MED27: variants seen among roughly 807,000 people sequenced by gnomAD.
MED27 encodes the protein mediator of RNA polymerase II transcription subunit 27.
In MED27, 30 loss-of-function variants were observed where a neutral mutation model predicts 38.2. The observed-to-expected ratio is 0.79, with a 90% CI of 0.59 to 1.07. MED27 has a LOEUF of 1.07. MED27 is among the 50% of genes least tolerant of loss of function. MED27 has a pLI of 0.00. For missense variants in MED27, 289 were observed against 397.5 expected, an observed-to-expected ratio of 0.73 and a Z score of 2.32; for synonymous variants, 122 against 153.5, an observed-to-expected ratio of 0.79 and a Z score of 1.52.
chr9:132,010,824 T>C (rs988919688), intron 3 of MED27, among the ~76,000 whole-genome samples: 17 of 152,016 alleles, frequency 1.1e-4, no homozygotes, highest in African/African-American at 2.9e-4. Context: ...TAAGTGGGAA[T>C]TGAACAATGA....
At chr9:131,877,670 A>G (rs1838960660) in intron 6 of MED27, among the ~76,000 whole-genome samples, 1 of 152,250 alleles carries the variant, frequency 6.6e-6, no homozygotes, top group African/African-American at 2.4e-5. Context: ...TAAGGTGTGC[A>G]GCACAACCTG....
chr9:132,046,253 C>T (rs1312125095), intron 2 of MED27, among the ~76,000 whole-genome samples: 1 of 152,168 alleles, frequency 6.6e-6, no homozygotes, highest in Non-Finnish European at 1.5e-5. Context: ...TGCAGTGGTT[C>T]ACCTATCAAC....
At chr9:131,936,452 G>C (rs1489087140) in intron 4 of MED27, among the ~76,000 whole-genome samples, 1 of 152,208 alleles carries the variant, frequency 6.6e-6, no homozygotes, top group Non-Finnish European at 1.5e-5. Flanking sequence ...CAGACGGCTG[G>C]TTCCTCTAGG....
At chr9:131,910,147 C>T (rs539821057) in intron 4 of MED27, among the ~76,000 whole-genome samples, 1 of 152,320 alleles carries the variant, frequency 6.6e-6, no homozygotes, top group South Asian at 2.1e-4. Flanking sequence ...AAGCATTATT[C>T]AACCAGGGCT....
At chr9:131,890,245 G>T (rs1159355350) in intron 5 of MED27, among the ~76,000 whole-genome samples, 1 of 152,176 alleles carries the variant, frequency 6.6e-6, no homozygotes, top group Non-Finnish European at 1.5e-5. Context: ...TGCCAAATGT[G>T]GTCAGTGTGT....
At position 131,893,882 on chromosome 9, in the gene MED27, T is replaced by C; in HGVS notation, c.681+3A>G. ...GGAACACACAAGACTGCACAATGCT[T>C]ACCTTGCCATCTTCTGTGTAGACAT... On this transcript the variant is annotated splice_donor_region_variant and intron_variant, in intron 5 of 7. Coordinates refer to ENST00000292035, the MANE Select transcript of MED27 (RefSeq NM_004269.4). 6.2e-7 allele frequency: 1 copy of C among 1,609,912 alleles called. No homozygotes were observed. Among genetic ancestry groups the C allele is most frequent in the Non-Finnish European group, 8.5e-7 (1 of 1,176,522 alleles).
chr9:131,977,677 G>C (rs1334214769), intron 3 of MED27, among the ~76,000 whole-genome samples: 1 of 152,052 alleles, frequency 6.6e-6, no homozygotes, highest in Non-Finnish European at 1.5e-5. Context: ...TCATGTAAAG[G>C]GCTTAGGTCA....
chr9:132,028,305 A>G (rs1232369064), intron 2 of MED27, among the ~76,000 whole-genome samples: 2 of 152,194 alleles, frequency 1.3e-5, no homozygotes, highest in East Asian at 3.9e-4. Context: ...TCTGAATCAC[A>G]GTAGTAAAGC....
chr9:131,928,241 G>C (rs1830517485), intron 4 of MED27, among the ~76,000 whole-genome samples: 2 of 152,176 alleles, frequency 1.3e-5, no homozygotes, highest in African/African-American at 4.8e-5. Flanking sequence ...TGCTCCTCCA[G>C]AGAGGAGTCT....
intron 3 of MED27, among the ~76,000 whole-genome samples, chr9:132,006,843 T>G (rs1030452941): frequency 6.6e-6 from 1 of 152,188 alleles, no homozygotes; most frequent in Non-Finnish European, 1.5e-5. Context: ...CGGATTCAAG[T>G]TGCTGCTTTG....
chr9:132,053,028 T>C (rs552432332), intron 2 of MED27, among the ~76,000 whole-genome samples: 1 of 151,184 alleles, frequency 6.6e-6, no homozygotes, highest in African/African-American at 2.4e-5. Flanking sequence ...CCGAGGTGGG[T>C]GGATCACGAG....
intron 3 of MED27, among the ~76,000 whole-genome samples, chr9:132,009,475 C>T (rs566215011): frequency 6.6e-6 from 1 of 152,272 alleles, no homozygotes; most frequent in South Asian, 2.1e-4. Context: ...TCTCATTCTC[C>T]TAGATTGCTG....
chr9:131,982,770 C>T lies in MED27; in HGVS notation c.479+31567G>A, dbSNP rs545242151. On this transcript the variant is annotated intron_variant, in intron 3 of 7. Coordinates refer to ENST00000292035, the MANE Select transcript of MED27 (RefSeq NM_004269.4). This position sits in a 1 kb window ranked among gnomAD's most constrained non-coding sequence, Gnocchi z 4.3. ...CAGCTTTTCTGGCTACAGGATCTGC[C>T]GCAATGCCTGACCTCTGTGCATCTC... 2.1e-4 allele frequency among the ~76,000 whole-genome samples: 32 copies of T among 152,256 alleles called. No individual in the cohort carries two copies. Among genetic ancestry groups the T allele is most frequent in the Non-Finnish European group, 3.7e-4 (25 of 68,020 alleles).
rs1309022183 is a variant in MED27, at chr9:131,913,359, G to C, written c.574-19367C>G. Among the ~76,000 whole-genome samples the C allele has an allele frequency of 6.6e-6, 1 of 152,172 alleles. No homozygotes were observed. The highest frequency in any genetic ancestry group is 1.9e-4 in the East Asian group (1 of 5,192). ...TTAATGTGACCTTGAACAAGTTATT[G>C]AACCTTCTGAGTCTCAGTGTTCTCA... On this transcript the variant is annotated intron_variant, in intron 4 of 7. Transcript: ENST00000292035. The surrounding 1 kb of genome is among the most constrained non-coding windows in gnomAD (Gnocchi z 4.5).
Position 131,860,485 on chromosome 9 carries a change from T to C in MED27, c.*53A>G, listed in dbSNP as rs1032573794. 3 of 1,466,206 alleles carry C rather than the reference T, an allele frequency of 2.0e-6. No individual in the cohort carries two copies. Among genetic ancestry groups the C allele is most frequent in the African/African-American group, 1.4e-5 (1 of 69,742 alleles). The allele number at this position is 1,466,206 out of a possible 1,614,324, so 90.8% of individuals were successfully genotyped here. On this transcript the variant is annotated 3_prime_UTR_variant, in exon 8 of 8. Coordinates refer to ENST00000292035, the MANE Select transcript of MED27 (RefSeq NM_004269.4). The surrounding 1 kb of genome is among the most constrained non-coding windows in gnomAD (Gnocchi z 5.8). ...CCAGCTGAGCCTTCTGTGGGCTTCCTGCGTGTCTGGGAAGGTGCTGGGTGG... is the reference window on the plus strand; with the variant it reads ...CCAGCTGAGCCTTCTGTGGGCTTCCCGCGTGTCTGGGAAGGTGCTGGGTGG...
chr9:131,929,862 GT>G lies in MED27; in HGVS notation c.573+9518del, dbSNP rs373200430. On this transcript the variant is annotated intron_variant, in intron 4 of 7. Coordinates refer to ENST00000292035, the MANE Select transcript of MED27 (RefSeq NM_004269.4). ...ACAAACCTGGCTGGCTTCCCCATCT[GT>G]TGACTGTAGAGTCCTAGCACCTTGA... Among the ~76,000 whole-genome samples, 103 of 152,350 alleles carry G rather than the reference GT, an allele frequency of 6.8e-4. 1 individual carries two copies. Among genetic ancestry groups the G allele is most frequent in the African/African-American group, 2.4e-3 (99 of 41,582 alleles).
chr9:132,057,132 T>G (rs896323113), intron 2 of MED27, among the ~76,000 whole-genome samples: 1 of 152,214 alleles, frequency 6.6e-6, no homozygotes, highest in East Asian at 1.9e-4. Flanking sequence ...GCCTCCTTTT[T>G]GTTCACATGA....
intron 2 of MED27, among the ~76,000 whole-genome samples, chr9:132,065,007 G>A (rs1833778122): frequency 6.6e-6 from 1 of 152,206 alleles, no homozygotes; most frequent in Non-Finnish European, 1.5e-5. Flanking sequence ...TTCACTGTGT[G>A]TAGAACAGCA....
intron 3 of MED27, among the ~76,000 whole-genome samples, chr9:131,980,367 T>G (rs1831705096): frequency 6.6e-6 from 1 of 152,188 alleles, no homozygotes; most frequent in Non-Finnish European, 1.5e-5. Context: ...CGGATTCTGA[T>G]GCTAAAACAA....
Sources: allele counts gnomAD v4.1 joint callset (sites outside exome capture counted in the v4.1 genomes callset), GRCh38; gene constraint gnomAD v4.1.1; non-coding constraint Gnocchi (gnomAD v3.1); transcripts MANE v1.5; gene names NCBI Gene and HGNC (gene_info 2026-07-23, HGNC 2026-07-21).